SCN11A: variants seen among roughly 807,000 people sequenced by gnomAD.
SCN11A encodes the protein sodium voltage-gated channel alpha subunit 11, also known as sodium channel protein type 11 subunit alpha.
In SCN11A, 122 loss-of-function variants were observed where a neutral mutation model predicts 162.2. That is an observed-to-expected ratio of 0.75 (90% CI 0.65 to 0.87). The LOEUF (loss-of-function observed/expected upper bound fraction) is 0.87, where lower values mean the gene tolerates loss of function less well. SCN11A is among the 40% of genes least tolerant of loss of function. The pLI, the probability that SCN11A is intolerant of heterozygous loss-of-function variation, is 0.00. For synonymous variants in SCN11A, 758 were observed against 751.5 expected, an observed-to-expected ratio of 1.01 and a Z score of -0.14; for missense variants, 2,015 against 2,181.6, an observed-to-expected ratio of 0.92 and a Z score of 1.52.
At chr3:38,861,356 T>C (rs1362047326) in intron 28 of SCN11A, among the ~76,000 whole-genome samples, 1 of 151,764 alleles carries the variant, frequency 6.6e-6, no homozygotes, top group Non-Finnish European at 1.5e-5. Context: ...CCCAACAAAA[T>C]ACCACCGTCA....
At chr3:38,894,290 CCT>C (rs763809500) in intron 19 of SCN11A, among the ~76,000 whole-genome samples, 20 of 152,274 alleles carry the variant, frequency 1.3e-4, no homozygotes, top group Non-Finnish European at 2.1e-4. Flanking sequence ...AGGAACTCCC[CCT>C]GTCATCCCAG....
At position 38,996,845 on chromosome 3, in the gene SCN11A, G is replaced by A. The variant is rs577769126; in HGVS notation, c.-280+35535C>T. 5.2e-4 allele frequency among the ~76,000 whole-genome samples: 79 copies of A among 152,230 alleles called. 1 individual carries two copies. The highest frequency in any genetic ancestry group is 1.9e-3 in the African/African-American group (78 of 41,532). ...GTCCTGGCTACCAAGAGGCTGAGAC[G>A]GGAGGATCACTTGAACCCAGGAGTT... On this transcript the variant is annotated intron_variant, in intron 2 of 29. Transcript: ENST00000302328.
At position 38,846,995 on chromosome 3, in the gene SCN11A, C is replaced by T; in HGVS notation, c.5075G>A (p.Arg1692Lys). 1 of 1,614,122 alleles carries T rather than the reference C, an allele frequency of 6.2e-7. No individual in the cohort carries two copies. The highest frequency in any genetic ancestry group is 8.5e-7 in the Non-Finnish European group (1 of 1,180,028). Residue 1692 changes from arginine to lysine, a missense_variant, in exon 30 of 30, where the codon AGG (arginine) becomes AAG (lysine). Coordinates refer to ENST00000302328, the MANE Select transcript of SCN11A (RefSeq NM_001349253.2). ...CMDILFAFTA[R>K]VLGGSDGLDS... ...TAGGCCATCAGAGCCACCGAGTACCCTAGCGGTGAAGGCGAAAAGAATATC... is the reference window on the plus strand; with the variant it reads ...TAGGCCATCAGAGCCACCGAGTACCTTAGCGGTGAAGGCGAAAAGAATATC...
chr3:38,863,425 A>G (rs541052640), intron 27 of SCN11A, 126 bp from the exon 28 acceptor site: 1 of 599,692 alleles, frequency 1.7e-6, no homozygotes, highest in Admixed American at 3.0e-5. Context: ...TTCAATGGTA[A>G]GCTTAAGAGA....
intron 5 of SCN11A, 27 bp from the exon 6 acceptor site, chr3:38,946,934 A>T: frequency 7.6e-7 from 1 of 1,309,496 alleles, no homozygotes; most frequent in Non-Finnish European, 1.1e-6. Flanking sequence ...ACAATACAAG[A>T]AAACACACAC....
intron 2 of SCN11A, among the ~76,000 whole-genome samples, chr3:39,021,140 C>T (rs900989412): frequency 2.0e-5 from 3 of 151,556 alleles, no homozygotes; most frequent in East Asian, 1.9e-4. Context: ...GGTGGTTTAG[C>T]GCTCCACCAA....
intron 3 of SCN11A, among the ~76,000 whole-genome samples, chr3:38,959,600 C>G (rs1157336162): frequency 6.6e-6 from 1 of 152,188 alleles, no homozygotes; most frequent in African/African-American, 2.4e-5. Context: ...CCATGACACT[C>G]TCATCCACCA....
intron 7 of SCN11A, among the ~76,000 whole-genome samples, chr3:38,929,432 G>A (rs2066204363): frequency 6.6e-6 from 1 of 152,220 alleles, no homozygotes; most frequent in Admixed American, 6.5e-5. Context: ...CATGGATATA[G>A]ACTTTCAGTT....
intron 1 of SCN11A, among the ~76,000 whole-genome samples, chr3:39,036,458 G>A (rs963466181): frequency 1.3e-5 from 2 of 152,098 alleles, no homozygotes; most frequent in Non-Finnish European, 2.9e-5. Context: ...CAGATTTCTT[G>A]AGTAATATCC....
At chr3:38,974,372 AG>A in intron 2 of SCN11A, among the ~76,000 whole-genome samples, 1 of 152,188 alleles carries the variant, frequency 6.6e-6, no homozygotes, top group East Asian at 1.9e-4. Flanking sequence ...ATAAGTAAGA[AG>A]GGTTGGGACA....
At chr3:38,887,152 G>C (rs9867831) in intron 19 of SCN11A, among the ~76,000 whole-genome samples, 1 of 151,900 alleles carries the variant, frequency 6.6e-6, no homozygotes, top group Non-Finnish European at 1.5e-5. Context: ...TAGAAGCTTC[G>C]AGAGTCAGAT....
rs118002118 is a variant in SCN11A at position 39,010,189 on chromosome 3, T to G, written c.-280+22191A>C. Reference sequence around the variant, plus strand: ...AAAATAAGCATGTCATTTAGAGATATGAAAATAAATCCTAAAAAACCCACA... The same window carrying G: ...AAAATAAGCATGTCATTTAGAGATAGGAAAATAAATCCTAAAAAACCCACA... On this transcript the variant is annotated intron_variant, in intron 2 of 29. Coordinates refer to ENST00000302328, the MANE Select transcript of SCN11A (RefSeq NM_001349253.2). Among the ~76,000 whole-genome samples the G allele has an allele frequency of 2.9e-4, 44 of 152,064 alleles. No homozygotes were observed. In the East Asian group the frequency reaches 7.7e-3, roughly 27 times the overall value.
At chr3:38,913,766 C>T (rs532439266) in intron 11 of SCN11A, among the ~76,000 whole-genome samples, 1 of 152,102 alleles carries the variant, frequency 6.6e-6, no homozygotes, top group African/African-American at 2.4e-5. Flanking sequence ...TTCCTCATTG[C>T]TTGTTTTGTC....
At chr3:38,987,858 G>C (rs1433863248) in intron 2 of SCN11A, among the ~76,000 whole-genome samples, 1 of 152,160 alleles carries the variant, frequency 6.6e-6, no homozygotes, top group African/African-American at 2.4e-5. Flanking sequence ...TCCAGCAGCA[G>C]AATATTTCAC....
rs76968145 is a variant in SCN11A, at chr3:38,916,256, C to G, written c.959+3679G>C. Among the ~76,000 whole-genome samples the G allele has an allele frequency of 4.8e-3, 731 of 152,190 alleles. 6 individuals are homozygous for G. The highest frequency in any genetic ancestry group is 0.017 in the African/African-American group (700 of 41,514). ...ATACCATTGGGTCTTGCTTTTTTAT[C>G]CAGCTTGCCATTGTGTGCCTTTTAA... On this transcript the variant is annotated intron_variant, in intron 11 of 29. Transcript: ENST00000302328.
At chr3:38,999,977 T>C (rs1362855561) in intron 2 of SCN11A, among the ~76,000 whole-genome samples, 7 of 152,228 alleles carry the variant, frequency 4.6e-5, no homozygotes, top group African/African-American at 9.6e-5. Context: ...CTGTAACCTA[T>C]GCATGCTGGC....
intron 13 of SCN11A, among the ~76,000 whole-genome samples, chr3:38,908,481 G>A (rs562206797): frequency 3.2e-4 from 48 of 152,238 alleles, no homozygotes; most frequent in African/African-American, 1.1e-3. Flanking sequence ...GGATCAGTGC[G>A]AGTATAAAAC....
At chr3:38,858,459 G>A (rs1261252652) in intron 28 of SCN11A, among the ~76,000 whole-genome samples, 1 of 152,100 alleles carries the variant, frequency 6.6e-6, no homozygotes, top group East Asian at 1.9e-4. Flanking sequence ...TAGTCCAACA[G>A]GAAAACATCA....
intron 2 of SCN11A, among the ~76,000 whole-genome samples, chr3:38,962,370 G>A (rs1395529195): frequency 1.3e-5 from 2 of 152,058 alleles, no homozygotes; most frequent in Non-Finnish European, 2.9e-5. Flanking sequence ...GGATCCATAT[G>A]GATTTTAGAA....
Sources: allele counts gnomAD v4.1 joint callset (sites outside exome capture counted in the v4.1 genomes callset), GRCh38; gene constraint gnomAD v4.1.1; transcripts MANE v1.5; gene names NCBI Gene and HGNC (gene_info 2026-07-23, HGNC 2026-07-21).